Variants in ENTREP2 observed in about 807,000 individuals in gnomAD.
ENTREP2 encodes endosomal transmembrane epsin interactor 2, also known as protein ENTREP2.
At chr15:29,442,111 A>C in the ENTREP2 span, among the ~76,000 whole-genome samples, 2 of 152,156 alleles carry the variant, frequency 1.3e-5, no homozygotes, top group African/African-American at 4.8e-5. Flanking sequence ...AAGCCTCCTC[A>C]CTGGGATTCC....
the ENTREP2 span, chr15:29,269,088 C>A: frequency 1.2e-6 from 2 of 1,613,922 alleles, no homozygotes; most frequent in African/African-American, 2.7e-5. Context: ...TGGGGTAGAC[C>A]CCTAAGCGCC....
chr15:29,405,500 A>C, the ENTREP2 span, among the ~76,000 whole-genome samples: 1 of 152,082 alleles, frequency 6.6e-6, no homozygotes, highest in Non-Finnish European at 1.5e-5. Context: ...CCAGCTCAGA[A>C]GGTCCCTGCC....
the ENTREP2 span, among the ~76,000 whole-genome samples, chr15:29,600,921 A>G: frequency 6.9e-5 from 4 of 57,608 alleles, no homozygotes; most frequent in African/African-American, 6.4e-4. Flanking sequence ...TTTTTGAGAC[A>G]GAGTCTCGCT....
At chr15:29,440,403 C>T in the ENTREP2 span, among the ~76,000 whole-genome samples, 7 of 152,128 alleles carry the variant, frequency 4.6e-5, no homozygotes, top group Admixed American at 2.6e-4. Context: ...TTTTATTCTG[C>T]ATATCATAGA....
At chr15:29,439,294 C>A in the ENTREP2 span, among the ~76,000 whole-genome samples, 1 of 79,456 alleles carries the variant, frequency 1.3e-5, no homozygotes, top group African/African-American at 4.1e-5. Context: ...TACACACACA[C>A]ACACACACAC....
At chr15:29,352,241 G>A in the ENTREP2 span, among the ~76,000 whole-genome samples, 1 of 152,084 alleles carries the variant, frequency 6.6e-6, no homozygotes, top group Non-Finnish European at 1.5e-5. Flanking sequence ...GGCTTCATAG[G>A]AAATTTAATC....
chr15:29,371,859 G>T, the ENTREP2 span, among the ~76,000 whole-genome samples: 481 of 151,754 alleles, frequency 3.2e-3, 3 homozygotes, highest in Non-Finnish European at 5.5e-3. Context: ...CAATTTAGAA[G>T]GTAGAGCATC....
At chr15:29,403,308 T>C in the ENTREP2 span, among the ~76,000 whole-genome samples, 2 of 152,116 alleles carry the variant, frequency 1.3e-5, no homozygotes, top group African/African-American at 2.4e-5. Flanking sequence ...CCTCCCTTTC[T>C]CAACCCATTG....
At chr15:29,223,350 G>A in the ENTREP2 span, among the ~76,000 whole-genome samples, 3 of 152,106 alleles carry the variant, frequency 2.0e-5, no homozygotes, top group Non-Finnish European at 2.9e-5. Context: ...CTTGGCTCCC[G>A]GCAGCCTCTG....
the ENTREP2 span, among the ~76,000 whole-genome samples, chr15:29,373,270 G>A: frequency 6.6e-6 from 1 of 152,110 alleles, no homozygotes; most frequent in Non-Finnish European, 1.5e-5. Context: ...AGACTAGAAG[G>A]TAAGAAAATG....
chr15:29,651,535 C>T, the ENTREP2 span, among the ~76,000 whole-genome samples: 379 of 152,294 alleles, frequency 2.5e-3, 1 homozygote, highest in South Asian at 3.5e-3. Context: ...CCCTCCCAGG[C>T]GCAAGACCCG....
the ENTREP2 span, among the ~76,000 whole-genome samples, chr15:29,192,093 A>C: frequency 6.6e-6 from 1 of 152,204 alleles, no homozygotes; most frequent in South Asian, 2.1e-4. Flanking sequence ...CTGACTTGAA[A>C]GTGGTACATA....
the ENTREP2 span, among the ~76,000 whole-genome samples, chr15:29,431,097 C>T: frequency 6.6e-6 from 1 of 152,272 alleles, no homozygotes; most frequent in East Asian, 1.9e-4. Context: ...CATCTGGGCA[C>T]TCTACCTGTT....
chr15:29,234,121 C>T, the ENTREP2 span: 2 of 1,534,014 alleles, frequency 1.3e-6, no homozygotes, highest in Non-Finnish European at 1.8e-6. Flanking sequence ...GCATCAATGA[C>T]ACATTGGGAC....
the ENTREP2 span, among the ~76,000 whole-genome samples, chr15:29,345,811 C>CT: frequency 6.8e-3 from 1,039 of 152,266 alleles, 4 homozygotes; most frequent in Middle Eastern, 0.01. Flanking sequence ...GAGGCCCCTC[C>CT]TATCACCTCA....
the ENTREP2 span, among the ~76,000 whole-genome samples, chr15:29,463,444 A>G: frequency 2.0e-5 from 3 of 152,312 alleles, no homozygotes; most frequent in Non-Finnish European, 4.4e-5. Context: ...CAATTATACA[A>G]TGTATTAAAA....
At chr15:29,655,389 C>T in the ENTREP2 span, among the ~76,000 whole-genome samples, 1 of 152,160 alleles carries the variant, frequency 6.6e-6, no homozygotes, top group Non-Finnish European at 1.5e-5. Context: ...TGACTCAGCT[C>T]CCCACACTAG....
At chr15:29,259,913 C>T in the ENTREP2 span, among the ~76,000 whole-genome samples, 2 of 152,204 alleles carry the variant, frequency 1.3e-5, no homozygotes, top group Admixed American at 6.5e-5. Flanking sequence ...CAGTTAACAC[C>T]GGGCTCTTTT....
the ENTREP2 span, among the ~76,000 whole-genome samples, chr15:29,667,424 A>G: frequency 6.7e-6 from 1 of 148,982 alleles, no homozygotes; most frequent in African/African-American, 2.5e-5. Context: ...TCCTGACCTC[A>G]TGATCTGCCC....
Sources: allele counts gnomAD v4.1 joint callset (sites outside exome capture counted in the v4.1 genomes callset), GRCh38; gene constraint gnomAD v4.1.1; transcripts MANE v1.5; gene names NCBI Gene and HGNC (gene_info 2026-07-23, HGNC 2026-07-21).